PRKG2: variants seen among roughly 807,000 people sequenced by gnomAD.
The protein encoded by PRKG2 is cGMP-dependent protein kinase 2.
A neutral mutation model predicts 97.2 loss-of-function variants in PRKG2; 33 were observed. The ratio of observed to expected loss-of-function variants is 0.34; its 90% CI spans 0.26 to 0.45. PRKG2 has a LOEUF of 0.45. PRKG2 is among the 20% of genes least tolerant of loss of function. The pLI is 1.00. For missense variants in PRKG2, 638 were observed against 900.0 expected (o/e 0.71, Z 3.73); for synonymous variants, 330 against 321.8 (o/e 1.03, Z -0.27).
chr4:81,159,062 T>C (rs1749374353), intron 6 of PRKG2, among the ~76,000 whole-genome samples: 1 of 152,170 alleles, frequency 6.6e-6, no homozygotes, highest in Admixed American at 6.5e-5. Context: ...AAGGACTTCA[T>C]GTCTAAAACA....
intron 1 of PRKG2, among the ~76,000 whole-genome samples, chr4:81,214,238 A>C (rs1754157423): frequency 6.6e-6 from 1 of 151,736 alleles, no homozygotes; most frequent in South Asian, 2.1e-4. Flanking sequence ...CAGGAAATCA[A>C]GGCATTTGTC....
chr4:81,092,505 G>GAAGGAAGA, intron 17 of PRKG2, 53 bp from the exon 18 acceptor site: 1 of 1,029,516 alleles, frequency 9.7e-7, no homozygotes, highest in South Asian at 1.4e-5. Flanking sequence ...AGGAAGGAAG[G>GAAGGAAGA]AAGGAAGGGA....
intron 2 of PRKG2, among the ~76,000 whole-genome samples, chr4:81,187,955 G>T (rs1029009239): frequency 6.6e-6 from 1 of 152,062 alleles, no homozygotes; most frequent in African/African-American, 2.4e-5. Context: ...TCAGGACATA[G>T]GCATGGGCAA....
chr4:81,090,524 A>G (rs1578316451), intron 18 of PRKG2, among the ~76,000 whole-genome samples: 1 of 152,212 alleles, frequency 6.6e-6, no homozygotes, highest in East Asian at 1.9e-4. Flanking sequence ...ATGCCAAAAA[A>G]GGAACAATTC....
chr4:81,216,574 G>T (rs1272237859), upstream of PRKG2, among the ~76,000 whole-genome samples: 1 of 152,062 alleles, frequency 6.6e-6, no homozygotes, highest in Non-Finnish European at 1.5e-5. Context: ...AAGTGCAGTC[G>T]CATTACACGG....
chr4:81,168,520 T>A (rs1236709760), intron 5 of PRKG2, among the ~76,000 whole-genome samples: 1 of 152,100 alleles, frequency 6.6e-6, no homozygotes, highest in African/African-American at 2.4e-5. Flanking sequence ...GCACACTGGT[T>A]TTTTTAGGTA....
At chr4:81,105,137 G>A (rs980223950) in intron 16 of PRKG2, among the ~76,000 whole-genome samples, 3 of 152,000 alleles carry the variant, frequency 2.0e-5, no homozygotes, top group Admixed American at 6.6e-5. Context: ...AATTCGTTAC[G>A]CGTATATAAT....
In PRKG2 at chr4:81,104,416, T is replaced by C; in HGVS notation, c.2080A>G (p.Arg694Gly). ...RRLCRQNPTE[R>G]LGNLKNGIND... ...ATTCCATTCTTCAGATTTCCCAGCCTTTCTGTTGGATTTTGCCTAAAACAA... is the reference window on the plus strand; with the variant it reads ...ATTCCATTCTTCAGATTTCCCAGCCCTTCTGTTGGATTTTGCCTAAAACAA... The change falls in exon 17 of 19, where the codon AGG (arginine) becomes GGG (glycine). Residue 694 changes from arginine to glycine, a missense_variant. This residue lies in a region of PRKG2 where 304 missense variants were observed against 460.5 expected (regional missense o/e 0.66). Coordinates refer to ENST00000264399, the MANE Select transcript of PRKG2 (RefSeq NM_006259.3). The C allele has an allele frequency of 1.4e-6, 2 of 1,463,458 alleles. No homozygotes were observed. Among genetic ancestry groups the C allele is most frequent in the Non-Finnish European group, 1.8e-6 (2 of 1,102,890 alleles). 90.7% of individuals were successfully genotyped at this position (1,463,458 alleles called of 1,614,324 possible).
chr4:81,110,521 G>A lies in PRKG2; in HGVS notation c.1867C>T (p.Leu623Phe), dbSNP rs759061992. 1.9e-6 allele frequency: 3 copies of A among 1,613,880 alleles called. No individual in the cohort carries two copies. The highest frequency in any genetic ancestry group is 2.5e-6 in the Non-Finnish European group (3 of 1,179,900). ...ACACTGAAGTCATGTCCCTTGTTGA[G>A]AATGACTTCAGGAGCTACATATTCT... is the stretch of plus-strand genomic sequence containing the variant. ...TPEYVAPEVILNKGHDFSVDF... is the reference protein window; with the variant it reads ...TPEYVAPEVIFNKGHDFSVDF... The change falls in exon 15 of 19, where the codon CTC (leucine) becomes TTC (phenylalanine). Residue 623 changes from leucine to phenylalanine, a missense_variant. Physicochemically the swap from Leu to Phe is conservative, Grantham distance 22. Around this residue, in one of 3 missense-constraint regions of PRKG2, gnomAD observed 304 missense variants for 460.5 expected, o/e 0.66. Coordinates refer to ENST00000264399, the MANE Select transcript of PRKG2 (RefSeq NM_006259.3).
intron 2 of PRKG2, among the ~76,000 whole-genome samples, chr4:81,200,709 G>A (rs906905836): frequency 6.6e-6 from 1 of 152,098 alleles, no homozygotes; most frequent in Non-Finnish European, 1.5e-5. Context: ...AGTAAGGGGG[G>A]TAGCATCAAA....
intron 2 of PRKG2, among the ~76,000 whole-genome samples, chr4:81,180,208 A>C (rs1325912176): frequency 6.6e-6 from 1 of 152,180 alleles, no homozygotes; most frequent in Non-Finnish European, 1.5e-5. Flanking sequence ...TAAAATATAT[A>C]CTTCATTAAT....
In PRKG2 at chr4:81,118,765, C is replaced by T. The variant is rs183145894; in HGVS notation, c.1777-8154G>A. On this transcript the variant is annotated intron_variant, in intron 14 of 18. Transcript: ENST00000264399. ...TCTTCTAATTCTCTTAACAGTCTTT[C>T]ACAGAGCAGAAGTTTTCGTTTGGTT... is the stretch of plus-strand genomic sequence containing the variant. Among the ~76,000 whole-genome samples the T allele has an allele frequency of 4.6e-5, 7 of 152,158 alleles. No homozygotes were observed. The East Asian group carries it at 9.7e-4, about 21-fold the overall frequency.
intron 15 of PRKG2, 48 bp from the exon 16 acceptor site, chr4:81,105,983 G>C (rs757735744): frequency 1.3e-6 from 2 of 1,561,826 alleles, no homozygotes; most frequent in East Asian, 2.3e-5. Context: ...CAGGGTCTGA[G>C]ATCACATTTG....
intron 14 of PRKG2, among the ~76,000 whole-genome samples, chr4:81,120,310 C>G (rs1744954940): frequency 6.6e-6 from 1 of 152,212 alleles, no homozygotes; most frequent in Admixed American, 6.5e-5. Context: ...CCCCGGGAGT[C>G]TCCCTGAATC....
At chr4:81,204,062 G>T (rs1475640402) in intron 2 of PRKG2, among the ~76,000 whole-genome samples, 1 of 152,206 alleles carries the variant, frequency 6.6e-6, no homozygotes, top group Non-Finnish European at 1.5e-5. Flanking sequence ...CTGCTAGAAA[G>T]GCTCTGTTTC....
At chr4:81,132,523 C>T (rs541206675) in intron 14 of PRKG2, among the ~76,000 whole-genome samples, 1 of 152,252 alleles carries the variant, frequency 6.6e-6, no homozygotes, top group Non-Finnish European at 1.5e-5. Flanking sequence ...GAGGTTTATT[C>T]CCCATTCCTT....
At chr4:81,205,494 G>A (rs752829355) in intron 1 of PRKG2, among the ~76,000 whole-genome samples, 8 of 152,158 alleles carry the variant, frequency 5.3e-5, no homozygotes, top group Non-Finnish European at 8.8e-5. Flanking sequence ...CTCCCCATGC[G>A]GCAACAGTAA....
chr4:81,211,852 C>T (rs1221792206), intron 1 of PRKG2, among the ~76,000 whole-genome samples: 3 of 152,022 alleles, frequency 2.0e-5, no homozygotes, highest in African/African-American at 7.2e-5. Flanking sequence ...TCATGGAAAC[C>T]AGAATTGATT....
chr4:81,101,859 G>A (rs1338082833), intron 17 of PRKG2, among the ~76,000 whole-genome samples: 1 of 151,950 alleles, frequency 6.6e-6, no homozygotes, highest in Non-Finnish European at 1.5e-5. Context: ...TTTTTTGTTT[G>A]TTTGTTTGTT....
Sources: allele counts gnomAD v4.1 joint callset (sites outside exome capture counted in the v4.1 genomes callset), GRCh38; gene constraint gnomAD v4.1.1; regional missense constraint gnomAD v4.1.1; transcripts MANE v1.5; gene names NCBI Gene and HGNC (gene_info 2026-07-23, HGNC 2026-07-21).